XRCC4: variants seen among roughly 807,000 people sequenced by gnomAD.
XRCC4 encodes DNA repair protein XRCC4.
XRCC4 carries 28 observed loss-of-function variants against 39.1 expected under a neutral mutation model. The observed-to-expected ratio is 0.72, with a 90% CI of 0.53 to 0.98. XRCC4 has a LOEUF of 0.98. XRCC4 is among the 50% of genes least tolerant of loss of function. The probability of loss-of-function intolerance (pLI) is 0.00; values close to 1 mark genes in which losing one functional copy is unlikely to be tolerated. For synonymous variants in XRCC4, 123 were observed against 126.4 expected, an observed-to-expected ratio of 0.97 and a Z score of 0.18; for missense variants, 350 against 376.4, an observed-to-expected ratio of 0.93 and a Z score of 0.58.
intron 7 of XRCC4, among the ~76,000 whole-genome samples, chr5:83,344,668 A>T (rs1447970261): frequency 6.6e-6 from 1 of 152,110 alleles, no homozygotes; most frequent in Non-Finnish European, 1.5e-5. Context: ...TTGGAGAGAC[A>T]TTTGGGTAGT....
intron 3 of XRCC4, among the ~76,000 whole-genome samples, chr5:83,133,389 T>C (rs1747705518): frequency 6.6e-6 from 1 of 152,162 alleles, no homozygotes; most frequent in Non-Finnish European, 1.5e-5. Context: ...AAGTCTGTGC[T>C]GGGAGAACCA....
At chr5:83,297,255 A>G (rs1418922996) in intron 7 of XRCC4, among the ~76,000 whole-genome samples, 4 of 152,004 alleles carry the variant, frequency 2.6e-5, no homozygotes, top group Non-Finnish European at 5.9e-5. Flanking sequence ...TTAAAACAAG[A>G]CTAAGTTATT....
intron 7 of XRCC4, among the ~76,000 whole-genome samples, chr5:83,317,810 TTCC>T (rs1755928018): frequency 5.4e-5 from 1 of 18,400 alleles, no homozygotes; most frequent in Non-Finnish European, 9.6e-5. Flanking sequence ...TCTGAAACTA[TTCC>T]AATCAATAGA....
intron 1 of XRCC4, among the ~76,000 whole-genome samples, chr5:83,089,518 A>G (rs1745326179): frequency 6.6e-6 from 1 of 152,200 alleles, no homozygotes; most frequent in Admixed American, 6.5e-5. Context: ...GTACAATTCA[A>G]ACACCATCTA....
At chr5:83,088,401 G>T (rs1745277207) in intron 1 of XRCC4, among the ~76,000 whole-genome samples, 1 of 152,040 alleles carries the variant, frequency 6.6e-6, no homozygotes, top group Non-Finnish European at 1.5e-5. Flanking sequence ...CACAAAGTTT[G>T]CACATACTGC....
intron 3 of XRCC4, among the ~76,000 whole-genome samples, chr5:83,135,421 GT>G (rs1306070532): frequency 6.6e-6 from 1 of 151,400 alleles, no homozygotes; most frequent in South Asian, 2.1e-4. Flanking sequence ...TGCTTTTAAG[GT>G]TTTTTCTTTT....
the XRCC4 span, among the ~76,000 whole-genome samples, chr5:83,366,250 C>T: frequency 6.8e-4 from 103 of 152,294 alleles, no homozygotes; most frequent in Non-Finnish European, 5.9e-5. Flanking sequence ...AAATCTTGGA[C>T]TTCCCAACCT....
chr5:83,201,082 A>G (rs1453688332), intron 4 of XRCC4: 1 of 152,234 alleles, frequency 6.6e-6, no homozygotes. Flanking sequence ...CTGAAGATGA[A>G]AAACATTACT....
At chr5:83,199,854 C>T (rs909449792) in intron 4 of XRCC4, among the ~76,000 whole-genome samples, 1 of 151,656 alleles carries the variant, frequency 6.6e-6, no homozygotes, top group Non-Finnish European at 1.5e-5. Context: ...TTCTGTTTTC[C>T]TAGTTATTGT....
chr5:83,173,501 T>C (rs970168352), intron 3 of XRCC4, among the ~76,000 whole-genome samples: 6 of 152,160 alleles, frequency 3.9e-5, no homozygotes, highest in African/African-American at 1.4e-4. Flanking sequence ...GTTCCAGATA[T>C]TCAACTTCAA....
At chr5:83,257,878 A>G (rs965205611) in intron 6 of XRCC4, among the ~76,000 whole-genome samples, 74 of 152,276 alleles carry the variant, frequency 4.9e-4, no homozygotes, top group African/African-American at 1.8e-3. Context: ...ATGAGTTCAT[A>G]TCCTTTGCAG....
At chr5:83,315,241 G>T (rs1332641677) in intron 7 of XRCC4, among the ~76,000 whole-genome samples, 1 of 152,094 alleles carries the variant, frequency 6.6e-6, no homozygotes, top group Non-Finnish European at 1.5e-5. Context: ...CATCAATTCT[G>T]TGAAGGCTGA....
chr5:83,254,074 G>GTTTTTTTT (rs1218352480), intron 6 of XRCC4, among the ~76,000 whole-genome samples: 1 of 142,198 alleles, frequency 7.0e-6, no homozygotes, highest in African/African-American at 2.6e-5. Context: ...ATTGGCAATC[G>GTTTTTTTT]TTTTTTGTTT....
At chr5:83,259,590 T>G (rs1407587788) in intron 7 of XRCC4, among the ~76,000 whole-genome samples, 1 of 152,078 alleles carries the variant, frequency 6.6e-6, no homozygotes, top group Non-Finnish European at 1.5e-5. Flanking sequence ...CCAACTGTTT[T>G]CAATCAAACC....
At chr5:83,104,506 C>T (rs1267470826) in intron 1 of XRCC4, among the ~76,000 whole-genome samples, 5 of 151,852 alleles carry the variant, frequency 3.3e-5, no homozygotes, top group South Asian at 4.2e-4. Flanking sequence ...TTAGTAGAGA[C>T]GGGGTTTCAC....
chr5:83,237,684 A>G (rs1752742593), intron 6 of XRCC4, among the ~76,000 whole-genome samples: 1 of 152,170 alleles, frequency 6.6e-6, no homozygotes, highest in African/African-American at 2.4e-5. Flanking sequence ...GATAAACTGT[A>G]GTTAGGAATG....
chr5:83,365,489 T>C, the XRCC4 span, among the ~76,000 whole-genome samples: 1 of 152,188 alleles, frequency 6.6e-6, no homozygotes, highest in Non-Finnish European at 1.5e-5. Context: ...GTGGAATGAT[T>C]TTCCACTTTG....
chr5:83,336,323 A>C (rs557039918), intron 7 of XRCC4, among the ~76,000 whole-genome samples: 83 of 152,254 alleles, frequency 5.5e-4, no homozygotes, highest in African/African-American at 1.6e-3. Flanking sequence ...TTCGGGCTGC[A>C]TGTGAATTTA....
intron 3 of XRCC4, among the ~76,000 whole-genome samples, chr5:83,144,547 T>TCC (rs1174694431): frequency 4.1e-4 from 7 of 17,254 alleles, no homozygotes; most frequent in Admixed American, 5.7e-4. Context: ...GTTTTGTGTC[T>TCC]CCCCACCCCC....
Sources: allele counts gnomAD v4.1 joint callset (sites outside exome capture counted in the v4.1 genomes callset), GRCh38; gene constraint gnomAD v4.1.1; transcripts MANE v1.5; gene names NCBI Gene and HGNC (gene_info 2026-07-23, HGNC 2026-07-21).